The following ZNF385D variants were observed in gnomAD, a reference collection of about 807,000 sequenced individuals.
The protein encoded by ZNF385D is zinc finger protein 385D.
ZNF385D carries 15 observed loss-of-function variants against 35.8 expected under a neutral mutation model. That is an observed-to-expected ratio of 0.42 (90% confidence interval 0.28 to 0.64). The LOEUF is 0.64. Among genes scored for constraint, ZNF385D ranks in the 30% least tolerant of loss-of-function variants. The pLI is 0.23. For missense variants in ZNF385D, 474 were observed against 494.6 expected (o/e 0.96, Z 0.39); for synonymous variants, 212 against 186.8 (o/e 1.13, Z -1.10).
At chr3:21,514,016 AAAAAAAAGCT>A (rs1253935597) in intron 3 of ZNF385D, among the ~76,000 whole-genome samples, 1 of 151,496 alleles carries the variant, frequency 6.6e-6, no homozygotes, top group Non-Finnish European at 1.5e-5. Context: ...CTGTGACTGT[AAAAAAAAGCT>A]GCAGCCTAAG....
chr3:21,755,065 TGTGA>T (rs1438962691), upstream of ZNF385D, among the ~76,000 whole-genome samples: 4 of 152,342 alleles, frequency 2.6e-5, no homozygotes, highest in African/African-American at 9.6e-5. Flanking sequence ...GGCCACAGTT[TGTGA>T]GTGTGTTTGT....
rs76135704 is a variant in ZNF385D, at chr3:21,785,250, T to C, written c.326-120222A>G. Among the ~76,000 whole-genome samples the C allele has an allele frequency of 9.6e-3, 1,459 of 152,296 alleles. 16 individuals are homozygous for C. The highest frequency in any genetic ancestry group is 0.026 in the South Asian group (126 of 4,826). On this transcript the variant is annotated intron_variant, in intron 3 of 5. Transcript: ENST00000494108. ...ATTTTCTAGCTTTATTGAGGAATAA[T>C]TGACCATTAAAAATTATATATATAT... is the stretch of plus-strand genomic sequence containing the variant.
intron 3 of ZNF385D, among the ~76,000 whole-genome samples, chr3:21,953,190 T>C (rs630769): frequency 0.19 from 28,678 of 151,782 alleles, 3,435 homozygotes; most frequent in East Asian, 0.39. Flanking sequence ...ATAAAACATT[T>C]GTAAAGGTCA....
chr3:22,243,666 G>A lies in ZNF385D; in HGVS notation c.107-74631C>T, dbSNP rs185252309. Among the ~76,000 whole-genome samples the A allele has an allele frequency of 6.0e-5, 9 of 151,192 alleles. 1 individual carries two copies. In the South Asian group the frequency reaches 1.9e-3, roughly 33 times the overall value. ...TCAAAAGATGTTAGAACACTTCAAA[G>A]GCAAGAACAGCCAAGCTCTGTGGCT... On this transcript the variant is annotated intron_variant, in intron 2 of 5. Coordinates refer to the ZNF385D transcript ENST00000494108.
chr3:21,656,140 C>T (rs1575407651), intron 2 of ZNF385D, among the ~76,000 whole-genome samples: 1 of 151,954 alleles, frequency 6.6e-6, no homozygotes, highest in South Asian at 2.1e-4. Flanking sequence ...ACATGTAGGC[C>T]TATATACTTT....
chr3:21,631,000 C>G (rs1050552022), intron 2 of ZNF385D, among the ~76,000 whole-genome samples: 9 of 151,902 alleles, frequency 5.9e-5, no homozygotes, highest in African/African-American at 2.2e-4. Context: ...TAAATAGATA[C>G]CAGGGAACAA....
intron 3 of ZNF385D, among the ~76,000 whole-genome samples, chr3:21,781,097 T>C (rs2071471820): frequency 6.6e-6 from 1 of 152,004 alleles, no homozygotes; most frequent in South Asian, 2.1e-4. Context: ...AGCTAGGAGA[T>C]AATAAGCAAG....
At chr3:21,513,009 G>A (rs1707323049) in intron 3 of ZNF385D, among the ~76,000 whole-genome samples, 1 of 151,846 alleles carries the variant, frequency 6.6e-6, no homozygotes, top group Non-Finnish European at 1.5e-5. Context: ...AAAGATGGGG[G>A]GTGAGATTAA....
intron 3 of ZNF385D, among the ~76,000 whole-genome samples, chr3:21,817,740 G>A (rs1055146259): frequency 2.6e-5 from 4 of 152,200 alleles, no homozygotes; most frequent in Non-Finnish European, 5.9e-5. Context: ...CTGTAAACTA[G>A]TTCAACCATG....
intron 3 of ZNF385D, among the ~76,000 whole-genome samples, chr3:22,030,892 G>T (rs1697957926): frequency 6.6e-6 from 1 of 152,160 alleles, no homozygotes; most frequent in African/African-American, 2.4e-5. Flanking sequence ...CACAGTGGAG[G>T]TACAGGCATT....
At chr3:22,231,924 C>T (rs1698916645) in intron 2 of ZNF385D, among the ~76,000 whole-genome samples, 1 of 152,054 alleles carries the variant, frequency 6.6e-6, no homozygotes, top group Non-Finnish European at 1.5e-5. Context: ...CACCTCTTCC[C>T]TGTTTCTCCT....
chr3:21,920,622 CAAAA>C (rs71044953), intron 3 of ZNF385D, among the ~76,000 whole-genome samples: 2 of 129,990 alleles, frequency 1.5e-5, no homozygotes, highest in African/African-American at 2.9e-5. Context: ...GATACAATGC[CAAAA>C]AAAAAAAAAA....
intron 1 of ZNF385D, among the ~76,000 whole-genome samples, chr3:21,699,823 CTTTTTTTTTT>C (rs1006362754): frequency 0.019 from 1,707 of 89,056 alleles, 39 homozygotes; most frequent in African/African-American, 0.076. Flanking sequence ...GTTTCTTTTC[CTTTTTTTTTT>C]TTTTTTTTTT....
At chr3:21,983,080 G>A (rs1043948439) in intron 3 of ZNF385D, among the ~76,000 whole-genome samples, 1 of 151,428 alleles carries the variant, frequency 6.6e-6, no homozygotes, top group African/African-American at 2.4e-5. Context: ...GCCAGGTTTG[G>A]GTATCAAGAT....
chr3:22,043,913 C>A (rs879286287), intron 3 of ZNF385D, among the ~76,000 whole-genome samples: 12 of 152,030 alleles, frequency 7.9e-5, no homozygotes, highest in Non-Finnish European at 1.6e-4. Flanking sequence ...TGAGGGAGGC[C>A]TCCAACCAAC....
At position 22,362,967 on chromosome 3, in the gene ZNF385D, A is replaced by T. The variant is rs187875626; in HGVS notation, c.106+9483T>A. On this transcript the variant is annotated intron_variant, in intron 2 of 5. Transcript: ENST00000494108. ...AATAAAACAAAATCTCTACTGTCAC[A>T]GAACTCACTGTCGAGATTACTGATG... is the stretch of plus-strand genomic sequence containing the variant. Among the ~76,000 whole-genome samples the T allele has an allele frequency of 3.2e-4, 49 of 152,252 alleles. 1 individual carries two copies. The South Asian group carries it at 4.8e-3, about 15-fold the overall frequency.
intron 1 of ZNF385D, among the ~76,000 whole-genome samples, chr3:21,732,049 T>TGAGAACGGAG (rs2069034997): frequency 1.2e-5 from 1 of 81,492 alleles, no homozygotes; most frequent in Non-Finnish European, 2.8e-5. Context: ...TTTTTTTTTT[T>TGAGAACGGAG]TTTTTTTTTT....
intron 2 of ZNF385D, among the ~76,000 whole-genome samples, chr3:22,209,126 A>G (rs1400850426): frequency 6.6e-6 from 1 of 151,884 alleles, no homozygotes; most frequent in Non-Finnish European, 1.5e-5. Flanking sequence ...GTAAGCCCAT[A>G]ATATTTACTC....
chr3:21,618,918 GT>G (rs2064925063), intron 2 of ZNF385D, among the ~76,000 whole-genome samples: 1 of 152,158 alleles, frequency 6.6e-6, no homozygotes, highest in South Asian at 2.1e-4. Context: ...GTTTGAAGCT[GT>G]TTTTACGGAA....
Sources: allele counts gnomAD v4.1 joint callset (sites outside exome capture counted in the v4.1 genomes callset), GRCh38; gene constraint gnomAD v4.1.1; transcripts MANE v1.5; gene names NCBI Gene and HGNC (gene_info 2026-07-23, HGNC 2026-07-21).